The following NEDD9 variants were observed in gnomAD, a reference collection of about 807,000 sequenced individuals.
NEDD9 encodes neural precursor cell expressed, developmentally down-regulated 9.
Under a neutral mutation model 76.6 loss-of-function variants are expected in NEDD9, and 26 were observed. The observed-to-expected ratio is 0.34, with a 90% CI of 0.25 to 0.47. NEDD9 has a LOEUF of 0.47. Among genes scored for constraint, NEDD9 ranks in the 20% least tolerant of loss-of-function variants. The probability of loss-of-function intolerance (pLI) is 1.00; values close to 1 mark genes in which losing one functional copy is unlikely to be tolerated. For missense variants in NEDD9, 937 were observed against 1,058.5 expected (o/e 0.89, Z 1.59); for synonymous variants, 392 against 414.2 (o/e 0.95, Z 0.65).
chr6:11,364,945 C>T (rs1762736400), intron 1 of NEDD9, among the ~76,000 whole-genome samples: 1 of 152,020 alleles, frequency 6.6e-6, no homozygotes, highest in Non-Finnish European at 1.5e-5. Flanking sequence ...TTACCTGATC[C>T]CTGGCCTCTC....
intron 1 of NEDD9, among the ~76,000 whole-genome samples, chr6:11,365,660 G>C (rs1762749212): frequency 6.6e-6 from 1 of 152,264 alleles, no homozygotes; most frequent in Non-Finnish European, 1.5e-5. Context: ...TAAAAAAAAG[G>C]CTTGATCATA....
chr6:11,315,706 G>T (rs577065776), intron 2 of NEDD9, among the ~76,000 whole-genome samples: 2 of 152,148 alleles, frequency 1.3e-5, no homozygotes, highest in South Asian at 4.1e-4. Context: ...AAATCCTCAG[G>T]TGTGTTTTAA....
intron 1 of NEDD9, among the ~76,000 whole-genome samples, chr6:11,222,735 A>G (rs1253890343): frequency 6.6e-6 from 1 of 152,252 alleles, no homozygotes; most frequent in Non-Finnish European, 1.5e-5. Context: ...GACTTGAATG[A>G]AACTCTGCGC....
At chr6:11,365,723 C>T (rs1762750989) in intron 1 of NEDD9, among the ~76,000 whole-genome samples, 1 of 152,230 alleles carries the variant, frequency 6.6e-6, no homozygotes, top group African/African-American at 2.4e-5. Flanking sequence ...GGCGCAGTGG[C>T]TCACGCCTGT....
rs1368304530 is a variant in NEDD9 at position 11,241,860 on chromosome 6, A to C, written c.13-28133T>G. ...AGCCTCTGGCCTGTCCGGCCAGCCC[A>C]AGCAGCCGCCAGCTGGCGCTCGTGA... On this transcript the variant is annotated intron_variant, in intron 3 of 3. Transcript: ENST00000397378. The surrounding 1 kb of genome is among the most constrained non-coding windows in gnomAD (Gnocchi z 4.0). 6.6e-6 allele frequency among the ~76,000 whole-genome samples: 1 copy of C among 152,160 alleles called. No homozygotes were observed. Among genetic ancestry groups the C allele is most frequent in the Non-Finnish European group, 1.5e-5 (1 of 68,022 alleles).
At chr6:11,204,719 C>CAAAAAAAAAAAAAAAA (rs58621043) in intron 2 of NEDD9, among the ~76,000 whole-genome samples, 1 of 65,366 alleles carries the variant, frequency 1.5e-5, no homozygotes, top group African/African-American at 6.7e-5. Context: ...GGGTCCGTCT[C>CAAAAAAAAAAAAAAAA]AAAAAAAAAA....
At chr6:11,204,736 A>G (rs1581954274) in intron 2 of NEDD9, among the ~76,000 whole-genome samples, 1 of 134,950 alleles carries the variant, frequency 7.4e-6, no homozygotes, top group South Asian at 2.3e-4. Flanking sequence ...AAAAAAAAAA[A>G]AGAAAGAAAG....
chr6:11,293,196 G>GT (rs35317754), intron 3 of NEDD9, among the ~76,000 whole-genome samples: 18,451 of 148,360 alleles, frequency 0.12, 1,509 homozygotes, highest in African/African-American at 0.22. Context: ...CTAAGTCTAT[G>GT]TTTTTTTTTT....
At chr6:11,379,385 C>T (rs975524850) in intron 1 of NEDD9, among the ~76,000 whole-genome samples, 9 of 152,164 alleles carry the variant, frequency 5.9e-5, no homozygotes, top group Middle Eastern at 3.4e-3. Context: ...GTCAGGAGTT[C>T]GAGACCAGCT....
At position 11,323,725 on chromosome 6, in the gene NEDD9, G is replaced by A. The variant is rs1024874931; in HGVS notation, c.-153+10776C>T. 4.6e-5 allele frequency among the ~76,000 whole-genome samples: 7 copies of A among 152,322 alleles called. No homozygotes were observed. The East Asian group carries it at 1.3e-3, about 29-fold the overall frequency. ...ATGGGTGATAGAAGGAGGCCCCTAG[G>A]TGGCTACAAACCTCTGAGGGACAGC... On this transcript the variant is annotated intron_variant, in intron 2 of 3. Transcript: ENST00000397378.
chr6:11,297,274 C>T (rs1170033489), intron 3 of NEDD9, among the ~76,000 whole-genome samples: 2 of 152,072 alleles, frequency 1.3e-5, no homozygotes, highest in African/African-American at 4.8e-5. Flanking sequence ...AAGAATGCTG[C>T]AGGGTGCCAG....
Position 11,370,743 on chromosome 6 carries a change from T to A in NEDD9, c.-214+11396A>T, listed in dbSNP as rs1284015331. The stretch of plus-strand genomic sequence containing the variant: ...GCAGATGTCCCTCCAGCACCTCCCA[T>A]GTGCCAAGAACACAGCAGGGGACAA... On this transcript the variant is annotated intron_variant, in intron 1 of 3. Transcript: ENST00000397378. This position sits in a 1 kb window ranked among gnomAD's most constrained non-coding sequence, Gnocchi z 4.2. Among the ~76,000 whole-genome samples, 1 of 152,148 alleles carries A rather than the reference T, an allele frequency of 6.6e-6. No homozygotes were observed. Among genetic ancestry groups the A allele is most frequent in the Non-Finnish European group, 1.5e-5 (1 of 68,030 alleles).
intron 2 of NEDD9, among the ~76,000 whole-genome samples, chr6:11,321,814 GA>G (rs1269195333): frequency 6.6e-6 from 1 of 152,134 alleles, no homozygotes; most frequent in Non-Finnish European, 1.5e-5. Flanking sequence ...AACCTTCCAG[GA>G]AAGTCTCTAG....
chr6:11,313,650 G>A (rs1761452004), intron 2 of NEDD9, among the ~76,000 whole-genome samples: 2 of 152,150 alleles, frequency 1.3e-5, no homozygotes, highest in South Asian at 2.1e-4. Flanking sequence ...AAAGAGAATA[G>A]GAAAGGATCC....
intron 1 of NEDD9, among the ~76,000 whole-genome samples, chr6:11,343,428 C>CAA (rs751376881): frequency 4.4e-5 from 6 of 135,968 alleles, no homozygotes; most frequent in Non-Finnish European, 9.6e-5. Flanking sequence ...GGCTCTGTCT[C>CAA]AAAAAAAAAA....
intron 2 of NEDD9, among the ~76,000 whole-genome samples, chr6:11,306,444 G>A (rs901844497): frequency 2.0e-5 from 3 of 152,174 alleles, no homozygotes; most frequent in African/African-American, 7.2e-5. Flanking sequence ...ATCATTTCGG[G>A]TCAAATGTGC....
chr6:11,381,767 G>A (rs999261673), intron 1 of NEDD9, among the ~76,000 whole-genome samples: 3 of 152,136 alleles, frequency 2.0e-5, no homozygotes, highest in African/African-American at 7.2e-5. Flanking sequence ...AATAAGTGAC[G>A]GCCCACACTT....
At chr6:11,257,829 TTATCTTGTCTCA>T (rs1355812844) in intron 3 of NEDD9, among the ~76,000 whole-genome samples, 2 of 141,552 alleles carry the variant, frequency 1.4e-5, no homozygotes, top group Non-Finnish European at 3.0e-5. Context: ...GCATCAAAGG[TTATCTTGTCTCA>T]TATCTTGTCT....
intron 3 of NEDD9, among the ~76,000 whole-genome samples, chr6:11,303,698 A>G (rs998285957): frequency 3.9e-5 from 6 of 152,202 alleles, no homozygotes; most frequent in Non-Finnish European, 8.8e-5. Flanking sequence ...TGAAAAAAAC[A>G]AGCAATATTG....
Sources: allele counts gnomAD v4.1 joint callset (sites outside exome capture counted in the v4.1 genomes callset), GRCh38; gene constraint gnomAD v4.1.1; non-coding constraint Gnocchi (gnomAD v3.1); transcripts MANE v1.5; gene names NCBI Gene and HGNC (gene_info 2026-07-23, HGNC 2026-07-21).